The following TCEANC2 variants were observed in gnomAD, a reference collection of about 807,000 sequenced individuals.
TCEANC2 encodes the protein transcription elongation factor A N-terminal and central domain containing 2.
Under a neutral mutation model 22.8 loss-of-function variants are expected in TCEANC2, and 20 were observed. The observed-to-expected ratio is 0.88, with a 90% CI of 0.62 to 1.28. The LOEUF (loss-of-function observed/expected upper bound fraction) is 1.28, where lower values mean the gene tolerates loss of function less well. TCEANC2 is among the 50% of genes most tolerant of loss of function. The pLI is 0.00. For synonymous variants in TCEANC2, 84 were observed against 95.5 expected (o/e 0.88, Z 0.70); for missense variants, 251 against 249.7 (o/e 1.01, Z -0.03).
At chr1:54,080,247 G>A (rs960411629) in intron 3 of TCEANC2, among the ~76,000 whole-genome samples, 3 of 151,790 alleles carry the variant, frequency 2.0e-5, no homozygotes, top group Non-Finnish European at 2.9e-5. Context: ...GGGTTCAGGC[G>A]ATTCTCGTGC....
chr1:54,078,365 GA>G (rs1380184867), intron 3 of TCEANC2, among the ~76,000 whole-genome samples: 1 of 152,174 alleles, frequency 6.6e-6, no homozygotes, highest in Non-Finnish European at 1.5e-5. Flanking sequence ...GATGTAATGA[GA>G]ACCCAGGTCT....
downstream of TCEANC2, among the ~76,000 whole-genome samples, chr1:54,107,225 C>T (rs1398706976): frequency 6.6e-6 from 1 of 152,174 alleles, no homozygotes; most frequent in Non-Finnish European, 1.5e-5. Context: ...CCAGGTGTTT[C>T]GTAGACTGTC....
chr1:54,099,775 A>T lies in TCEANC2; in HGVS notation c.*3302A>T, dbSNP rs1658627217. On this transcript the variant is annotated 3_prime_UTR_variant, in exon 5 of 5. Transcript: ENST00000234827. ...AAAAAAAAAAAGAGAAAAAGAAAAAAGTTGCCCCTGAAATGGGGTGAGAGT... is the reference window on the plus strand; with the variant it reads ...AAAAAAAAAAAGAGAAAAAGAAAAATGTTGCCCCTGAAATGGGGTGAGAGT... 6.6e-6 allele frequency: 1 copy of T among 151,890 alleles called. No homozygotes were observed. Among genetic ancestry groups the T allele is most frequent in the Admixed American group, 6.6e-5 (1 of 15,196 alleles). The allele number at this position is 151,890 out of a possible 1,614,324, so 9.4% of individuals were successfully genotyped here.
At position 54,096,444 on chromosome 1, in the gene TCEANC2, G is replaced by A. The variant is rs1557695259; in HGVS notation, c.598G>A (p.Gly200Ser). The change falls in exon 5 of 5, where the codon GGC becomes AGC. Residue 200 changes from glycine to serine, a missense_variant. Coordinates refer to ENST00000234827, the MANE Select transcript of TCEANC2 (RefSeq NM_153035.3). The surrounding 1 kb of genome is among the most constrained non-coding windows in gnomAD (Gnocchi z 4.9). ...GGTGAAGAGCGGCTCGCTGCCAGTC[G>A]GCACGTTTGTACAGACCCACAAAAA... is the stretch of plus-strand genomic sequence containing the variant. ...AQVKSGSLPV[G>S]TFVQTHKK is the part of the protein sequence containing the mutation. 2.5e-6 allele frequency: 4 copies of A among 1,612,202 alleles called. No homozygotes were observed. Among genetic ancestry groups the A allele is most frequent in the African/African-American group, 1.3e-5 (1 of 75,014 alleles).
downstream of TCEANC2, among the ~76,000 whole-genome samples, chr1:54,106,277 T>C (rs1658752943): frequency 6.6e-6 from 1 of 152,264 alleles, no homozygotes. Flanking sequence ...GATTTTGGAA[T>C]ACCGTGCAGT....
chr1:54,066,595 A>G (rs955523683), intron 2 of TCEANC2, among the ~76,000 whole-genome samples: 2 of 152,272 alleles, frequency 1.3e-5, no homozygotes, highest in Non-Finnish European at 2.9e-5. Context: ...ATAGGGGAAT[A>G]GTTTTAAAAT....
At chr1:54,058,374 T>G (rs1657791619) in intron 2 of TCEANC2, among the ~76,000 whole-genome samples, 1 of 152,212 alleles carries the variant, frequency 6.6e-6, no homozygotes, top group Non-Finnish European at 1.5e-5. Flanking sequence ...TGCACTTATT[T>G]GTGCTGTATC....
rs1658714497 is a variant in TCEANC2 at position 54,104,566 on chromosome 1, G to A, written c.*8093G>A. 1 of 454,370 alleles carries A rather than the reference G, an allele frequency of 2.2e-6. No homozygotes were observed. 28.1% of individuals were successfully genotyped at this position (454,370 alleles called of 1,614,324 possible). ...TTTTTTTTTCTTTTTCTTTTTCAGA[G>A]GTGGAGTCTCTGTCACCCAGGCTGG... On this transcript the variant is annotated 3_prime_UTR_variant, in exon 5 of 5. Transcript: ENST00000234827.
chr1:54,095,962 T>C (rs1271442371), intron 4 of TCEANC2, among the ~76,000 whole-genome samples: 1 of 152,218 alleles, frequency 6.6e-6, no homozygotes, highest in East Asian at 1.9e-4. Flanking sequence ...TGAACCGTTA[T>C]ACTGATTTAT....
At chr1:54,107,059 C>T (rs1658770703), downstream of TCEANC2, among the ~76,000 whole-genome samples, 1 of 152,154 alleles carries the variant, frequency 6.6e-6, no homozygotes, top group Non-Finnish European at 1.5e-5. Context: ...TCAGACTTTG[C>T]CAGTCTTCCC....
intron 2 of TCEANC2, among the ~76,000 whole-genome samples, chr1:54,055,540 A>G (rs900910466): frequency 1.3e-5 from 2 of 152,110 alleles, no homozygotes; most frequent in East Asian, 3.9e-4. Context: ...GTTCTGTCAC[A>G]TTTTATGTAT....
At position 54,088,591 on chromosome 1, in the gene TCEANC2, T is replaced by C; in HGVS notation, c.245-6T>C. The C allele has an allele frequency of 6.3e-7, 1 of 1,594,546 alleles. No individual in the cohort carries two copies. Among genetic ancestry groups the C allele is most frequent in the South Asian group, 1.1e-5 (1 of 87,286 alleles). ...CTTTCCTTTGGTTTTTCTCTTCCTG[T>C]TCCAGGTCACACTGTGAACAAGATG... is the stretch of plus-strand genomic sequence containing the variant. On this transcript the variant is annotated splice_region_variant and splice_polypyrimidine_tract_variant and intron_variant, in intron 3 of 4. Transcript: ENST00000234827.
chr1:54,058,929 A>G (rs1405196358), intron 2 of TCEANC2, among the ~76,000 whole-genome samples: 1 of 152,200 alleles, frequency 6.6e-6, no homozygotes, highest in Non-Finnish European at 1.5e-5. Flanking sequence ...TGCTAGGATT[A>G]CAGGCGTGAG....
intron 4 of TCEANC2, among the ~76,000 whole-genome samples, chr1:54,093,928 T>C (rs1273984700): frequency 1.3e-5 from 2 of 152,102 alleles, no homozygotes; most frequent in Non-Finnish European, 2.9e-5. Flanking sequence ...TTCTGGCAAA[T>C]GCTGCAGGAC....
chr1:54,063,233 A>G (rs1277847033), intron 2 of TCEANC2, among the ~76,000 whole-genome samples: 3 of 152,164 alleles, frequency 2.0e-5, no homozygotes, highest in Admixed American at 1.3e-4. Context: ...CAGGACTACC[A>G]TATGTTTGTG....
At chr1:54,077,018 A>G (rs746773932) in intron 3 of TCEANC2, among the ~76,000 whole-genome samples, 1 of 152,056 alleles carries the variant, frequency 6.6e-6, no homozygotes, top group Non-Finnish European at 1.5e-5. Flanking sequence ...GAAGTGAGCC[A>G]TGAGGATGAG....
At chr1:54,108,220 C>G (rs914506134), downstream of TCEANC2, among the ~76,000 whole-genome samples, 1 of 152,224 alleles carries the variant, frequency 6.6e-6, no homozygotes, top group African/African-American at 2.4e-5. Context: ...CTAGCATTCC[C>G]AGTCCTGCTG....
chr1:54,083,806 C>G (rs369393205), intron 3 of TCEANC2, among the ~76,000 whole-genome samples: 7 of 152,020 alleles, frequency 4.6e-5, no homozygotes, highest in African/African-American at 1.7e-4. Flanking sequence ...TCAGAAGAGA[C>G]CACCATTAAT....
At chr1:54,072,956 C>A (rs533995440) in intron 3 of TCEANC2, among the ~76,000 whole-genome samples, 22 of 152,038 alleles carry the variant, frequency 1.4e-4, no homozygotes, top group African/African-American at 5.3e-4. Flanking sequence ...TATTGTATTT[C>A]TATTTTTCTT....
Sources: gnomAD v4.1 joint callset for allele counts (sites outside exome capture counted in the v4.1 genomes callset) on GRCh38, gnomAD v4.1.1 for gene constraint, Gnocchi (gnomAD v3.1) non-coding constraint, MANE v1.5 for transcripts, NCBI Gene and HGNC (gene_info 2026-07-23, HGNC 2026-07-21) for gene names.